The following CTIF variants were observed in gnomAD, a reference collection of about 807,000 sequenced individuals.
CTIF encodes the protein cap binding complex dependent translation initiation factor.
CTIF carries 21 observed loss-of-function variants against 66.0 expected under a neutral mutation model. The ratio of observed to expected loss-of-function variants is 0.32; its 90% CI spans 0.23 to 0.46. The LOEUF (loss-of-function observed/expected upper bound fraction) is 0.46, where lower values mean the gene tolerates loss of function less well. CTIF is among the 20% of genes least tolerant of loss of function. The probability of loss-of-function intolerance (pLI) is 1.00; values close to 1 mark genes in which losing one functional copy is unlikely to be tolerated. For missense variants in CTIF, 739 were observed against 812.7 expected (o/e 0.91, Z 1.10); for synonymous variants, 345 against 326.4 (o/e 1.06, Z -0.62).
In CTIF at chr18:48,861,906, A is replaced by T. The variant is rs1469357694; in HGVS notation, c.*2347A>T. On this transcript the variant is annotated 3_prime_UTR_variant, in exon 12 of 12. Transcript: ENST00000256413. ...TATATTTTTAATTACATGTCGTGTCACGGTGGCTCCAGACATACTGTTTGC... is the reference window on the plus strand; with the variant it reads ...TATATTTTTAATTACATGTCGTGTCTCGGTGGCTCCAGACATACTGTTTGC... The T allele has an allele frequency of 1.3e-5, 2 of 152,204 alleles. No homozygotes were observed. The highest frequency in any genetic ancestry group is 2.9e-5 in the Non-Finnish European group (2 of 68,034). 9.4% of individuals were successfully genotyped at this position (152,204 alleles called of 1,614,324 possible).
chr18:48,540,108 A>C (rs1365657810), intron 1 of CTIF: 1 of 151,826 alleles, frequency 6.6e-6, no homozygotes, highest in African/African-American at 2.4e-5. Flanking sequence ...AGAGGAAGAA[A>C]CCAAATCGGT....
intron 5 of CTIF, among the ~76,000 whole-genome samples, chr18:48,666,433 C>G (rs1164455431): frequency 1.3e-5 from 2 of 152,242 alleles, no homozygotes; most frequent in Non-Finnish European, 2.9e-5. Context: ...GCCTGAATAA[C>G]AGAGCCATCA....
At position 48,730,696 on chromosome 18, in the gene CTIF, A is replaced by C. The variant is rs73956012; in HGVS notation, c.584+19001A>C. 8.4e-3 allele frequency among the ~76,000 whole-genome samples: 288 copies of C among 34,228 alleles called. 36 individuals are homozygous for C. The highest frequency in any genetic ancestry group is 0.047 in the East Asian group (78 of 1,668). 22.5% of individuals were successfully genotyped at this position (34,228 alleles called of 152,430 possible). A position where few individuals can be genotyped will look rare whatever the true frequency, so the allele number is the denominator to read the frequency against. On this transcript the variant is annotated intron_variant, in intron 7 of 11. Transcript: ENST00000256413. ...GCTTCTGCGGTGTGAGGAGCCCCTG[A>C]GGTGTGAGGGGCTTCCGCGGTGTGA...
rs2090547528 is a variant in CTIF at position 48,624,010 on chromosome 18, A to G, written c.180+4265A>G. On this transcript the variant is annotated intron_variant, in intron 2 of 11. Transcript: ENST00000256413. ...GACAATGTGTGTTTTAAGTTTGCCA[A>G]CATTTTCTGGATGCCATGTTTAACA... Among the ~76,000 whole-genome samples, 4 of 152,010 alleles carry G rather than the reference A, an allele frequency of 2.6e-5. 1 individual carries two copies. In the South Asian group the frequency reaches 8.3e-4, roughly 32 times the overall value.
chr18:48,806,701 T>G (rs1262177578), intron 9 of CTIF, among the ~76,000 whole-genome samples: 1 of 152,192 alleles, frequency 6.6e-6, no homozygotes, highest in Non-Finnish European at 1.5e-5. Context: ...TTTTTTCCCC[T>G]TTGCCTGTAT....
At chr18:48,837,800 A>G (rs1374901204) in intron 10 of CTIF, among the ~76,000 whole-genome samples, 1 of 152,032 alleles carries the variant, frequency 6.6e-6, no homozygotes, top group Non-Finnish European at 1.5e-5. Context: ...TACCCACTGG[A>G]TGCATCCCTC....
At chr18:48,722,808 A>G (rs973603045) in intron 7 of CTIF, among the ~76,000 whole-genome samples, 2 of 152,176 alleles carry the variant, frequency 1.3e-5, no homozygotes, top group Non-Finnish European at 2.9e-5. Flanking sequence ...GGCCATACCC[A>G]TCGGCGCTCA....
intron 9 of CTIF, among the ~76,000 whole-genome samples, chr18:48,786,690 C>T (rs1480418794): frequency 6.6e-6 from 1 of 152,158 alleles, no homozygotes; most frequent in Non-Finnish European, 1.5e-5. Flanking sequence ...CAATGTTTGC[C>T]CTTTGGCCTT....
intron 5 of CTIF, among the ~76,000 whole-genome samples, chr18:48,665,368 GGT>G (rs1433576665): frequency 6.6e-6 from 1 of 152,172 alleles, no homozygotes; most frequent in Non-Finnish European, 1.5e-5. Context: ...TTTCAAAAGT[GGT>G]GTCACAGCCT....
chr18:48,587,371 C>T (rs373058476), intron 1 of CTIF, among the ~76,000 whole-genome samples: 6 of 152,144 alleles, frequency 3.9e-5, no homozygotes, highest in African/African-American at 9.7e-5. Flanking sequence ...TGAGCCACCG[C>T]GCCTGGCTGC....
intron 2 of CTIF, among the ~76,000 whole-genome samples, chr18:48,626,920 G>A (rs1396300233): frequency 6.6e-6 from 1 of 152,076 alleles, no homozygotes; most frequent in Non-Finnish European, 1.5e-5. Flanking sequence ...GCCTCCCAAA[G>A]TGTTGGGATT....
chr18:48,609,562 G>A (rs1487356936), intron 1 of CTIF, among the ~76,000 whole-genome samples: 1 of 152,150 alleles, frequency 6.6e-6, no homozygotes, highest in Non-Finnish European at 1.5e-5. Context: ...ACATGAGGAA[G>A]CAGGCCCAGA....
intron 3 of CTIF, among the ~76,000 whole-genome samples, chr18:48,641,250 G>C (rs1311907018): frequency 1.3e-5 from 2 of 152,264 alleles, no homozygotes; most frequent in Admixed American, 1.3e-4. Context: ...AGGTTGTATG[G>C]GGTCAGGAGT....
chr18:48,596,725 C>G (rs2089993448), intron 1 of CTIF, among the ~76,000 whole-genome samples: 1 of 152,150 alleles, frequency 6.6e-6, no homozygotes, highest in Non-Finnish European at 1.5e-5. Context: ...ATCCGCCCAC[C>G]TCGGCCTCCC....
intron 11 of CTIF, 60 bp downstream of exon 11, chr18:48,857,701 C>T (rs1049812067): frequency 1.7e-5 from 26 of 1,523,028 alleles, no homozygotes; most frequent in Non-Finnish European, 2.1e-5. Flanking sequence ...CATGCCTTAA[C>T]AGTTCTAGGG....
intron 2 of CTIF, among the ~76,000 whole-genome samples, chr18:48,631,908 G>A (rs138439310): frequency 0.015 from 2,254 of 152,262 alleles, 18 homozygotes; most frequent in South Asian, 0.022. Context: ...GCCCTGGCCC[G>A]GACTGAGGAG....
At chr18:48,593,687 G>T (rs867831795) in intron 1 of CTIF, among the ~76,000 whole-genome samples, 1 of 151,314 alleles carries the variant, frequency 6.6e-6, no homozygotes, top group African/African-American at 2.4e-5. Flanking sequence ...CGGCCAATTC[G>T]AATTCTTTTG....
At chr18:48,606,746 G>A (rs2090209257) in intron 1 of CTIF, among the ~76,000 whole-genome samples, 2 of 152,192 alleles carry the variant, frequency 1.3e-5, no homozygotes. Flanking sequence ...GAGTATCCAT[G>A]TCTTGGAGCC....
intron 6 of CTIF, among the ~76,000 whole-genome samples, chr18:48,695,150 G>T (rs1333699630): frequency 6.6e-6 from 1 of 152,234 alleles, no homozygotes; most frequent in Non-Finnish European, 1.5e-5. Context: ...GAAGTGAGGT[G>T]CTCTGGCACA....
Sources: allele counts gnomAD v4.1 joint callset (sites outside exome capture counted in the v4.1 genomes callset), GRCh38; gene constraint gnomAD v4.1.1; transcripts MANE v1.5; gene names NCBI Gene and HGNC (gene_info 2026-07-23, HGNC 2026-07-21).